The following EVC2 variants were observed in gnomAD, a reference collection of about 807,000 sequenced individuals.
EVC2 encodes EvC ciliary complex subunit 2.
A neutral mutation model predicts 149.3 loss-of-function variants in EVC2; 148 were observed. The ratio of observed to expected loss-of-function variants is 0.99; its 90% CI spans 0.87 to 1.14. EVC2 has a LOEUF of 1.14. Among genes scored for constraint, EVC2 ranks in the 50% most tolerant of loss-of-function variants. The pLI, the probability that EVC2 is intolerant of heterozygous loss-of-function variation, is 0.00. For synonymous variants in EVC2, 776 were observed against 649.9 expected, an observed-to-expected ratio of 1.19 and a Z score of -2.95; for missense variants, 1,854 against 1,627.3, an observed-to-expected ratio of 1.14 and a Z score of -2.40.
At chr4:5,540,302 G>A (rs559662987), downstream of EVC2, among the ~76,000 whole-genome samples, 3 of 152,204 alleles carry the variant, frequency 2.0e-5, no homozygotes, top group African/African-American at 7.2e-5. Flanking sequence ...GTATACACCT[G>A]TCATATGTTC....
chr4:5,613,019 G>A lies in EVC2; in HGVS notation c.2829+2403C>T, dbSNP rs1390433340. On this transcript the variant is annotated intron_variant, in intron 16 of 21. Transcript: ENST00000344408. This position sits in a 1 kb window ranked among gnomAD's most constrained non-coding sequence, Gnocchi z 4.6. ...GGGAGGGGTTATGGAGGGTGTTGAG[G>A]TCCAGCCTTGAGCCACTGGGTGGGA... is the stretch of plus-strand genomic sequence containing the variant. 6.6e-6 allele frequency among the ~76,000 whole-genome samples: 1 copy of A among 151,910 alleles called. No individual in the cohort carries two copies. The highest frequency in any genetic ancestry group is 2.4e-5 in the African/African-American group (1 of 41,368).
At chr4:5,593,884 G>A (rs558717857) in intron 16 of EVC2, among the ~76,000 whole-genome samples, 10 of 152,302 alleles carry the variant, frequency 6.6e-5, no homozygotes, top group Middle Eastern at 3.4e-3. Flanking sequence ...GCGCTTTTCC[G>A]AAGGGCTTAA....
In EVC2 at chr4:5,708,534, C is replaced by A; in HGVS notation, c.-21G>T. 7.1e-7 allele frequency: 1 copy of A among 1,412,070 alleles called. No individual in the cohort carries two copies. The highest frequency in any genetic ancestry group is 9.2e-7 in the Non-Finnish European group (1 of 1,086,556). 87.5% of individuals were successfully genotyped at this position (1,412,070 alleles called of 1,614,324 possible). On this transcript the variant is annotated 5_prime_UTR_variant, in exon 1 of 22. It adds an upstream start codon to the 5' untranslated region. Coordinates refer to ENST00000344408, the MANE Select transcript of EVC2 (RefSeq NM_147127.5). ...TCCATCGCCTGTCGGGACCCGCTAC[C>A]TCAAAGCGGCGGGTGCCGCCGAGTC...
chr4:5,557,156 T>C (rs115183333), intron 21 of EVC2, among the ~76,000 whole-genome samples: 250 of 152,160 alleles, frequency 1.6e-3, no homozygotes, highest in African/African-American at 5.6e-3. Context: ...CACATGAACA[T>C]AGATGAACAA....
intron 22 of EVC2, chr4:5,543,025 T>A (rs774857514): frequency 7.2e-6 from 5 of 694,112 alleles, no homozygotes; most frequent in Non-Finnish European, 6.5e-6. Context: ...CAGAGCAGAA[T>A]TCTGTATTTT....
chr4:5,535,050 C>A, the EVC2 span, among the ~76,000 whole-genome samples: 1 of 152,110 alleles, frequency 6.6e-6, no homozygotes, highest in Non-Finnish European at 1.5e-5. The surrounding 1 kb of genome is among the most constrained non-coding windows in gnomAD (Gnocchi z 4.7). Context: ...GAGGTTCCCT[C>A]AATACCAGTT....
chr4:5,533,570 G>A, the EVC2 span, among the ~76,000 whole-genome samples: 1 of 152,204 alleles, frequency 6.6e-6, no homozygotes, highest in South Asian at 2.1e-4. Flanking sequence ...TCCAAGGACT[G>A]GAGAGATTAA....
At chr4:5,655,400 T>C (rs1287209398) in intron 9 of EVC2, among the ~76,000 whole-genome samples, 1 of 152,078 alleles carries the variant, frequency 6.6e-6, no homozygotes, top group Non-Finnish European at 1.5e-5. Context: ...TGAGGAGGGA[T>C]TCAAGGGTCC....
chr4:5,594,100 A>T (rs1713129228), intron 16 of EVC2, among the ~76,000 whole-genome samples: 1 of 152,148 alleles, frequency 6.6e-6, no homozygotes, highest in Non-Finnish European at 1.5e-5. Flanking sequence ...ACCACAGCTC[A>T]AGCAGGCCTG....
intron 21 of EVC2, among the ~76,000 whole-genome samples, chr4:5,549,581 C>T (rs1052820452): frequency 2.0e-5 from 3 of 152,222 alleles, no homozygotes; most frequent in African/African-American, 7.2e-5. Context: ...GCCAGTGATA[C>T]AGTCTCCATT....
Position 5,563,118 on chromosome 4 carries a change from A to G in EVC2, c.3660-3T>C, listed in dbSNP as rs774307273. 1.2e-6 allele frequency: 2 copies of G among 1,612,602 alleles called. No individual in the cohort carries two copies. Among genetic ancestry groups the G allele is most frequent in the East Asian group, 2.2e-5 (1 of 44,898 alleles). On this transcript the variant is annotated splice_polypyrimidine_tract_variant and splice_region_variant and intron_variant, in intron 21 of 21. Transcript: ENST00000344408. ...GGAGACATGTCTTCTTTAATATGCTAAAGAAATAGCAAAAGATCAAATTCA... is the reference window on the plus strand; with the variant it reads ...GGAGACATGTCTTCTTTAATATGCTGAAGAAATAGCAAAAGATCAAATTCA...
chr4:5,612,941 A>G (rs952636432), intron 16 of EVC2, among the ~76,000 whole-genome samples: 2 of 150,406 alleles, frequency 1.3e-5, no homozygotes, highest in South Asian at 2.1e-4. Context: ...AAAAAAAAAA[A>G]AAAAAAAAGA....
At chr4:5,587,321 T>C (rs1320821275) in intron 16 of EVC2, among the ~76,000 whole-genome samples, 2 of 152,234 alleles carry the variant, frequency 1.3e-5, no homozygotes, top group East Asian at 3.8e-4. Flanking sequence ...TTTCTATGAT[T>C]TTCCTTATTC....
intron 9 of EVC2, among the ~76,000 whole-genome samples, chr4:5,650,626 TATATATATATATAGAGAGAGAG>T (rs1292139837): frequency 2.5e-4 from 21 of 83,264 alleles, no homozygotes; most frequent in African/African-American, 7.6e-4. Context: ...TATATATATA[TATATATATATATAGAGAGAGAG>T]AGAGAGAGAG....
At chr4:5,632,139 T>C (rs1266240740) in intron 10 of EVC2, 107 bp from the exon 11 acceptor site, 1 of 1,454,794 alleles carries the variant, frequency 6.9e-7, no homozygotes, top group East Asian at 2.3e-5. Context: ...AATGTGTACA[T>C]GAACACACAG....
chr4:5,670,059 C>T lies in EVC2; in HGVS notation c.871-4410G>A, dbSNP rs1028011157. ...TTGTTAAATTATGCTAGGTCCTGCC[C>T]TGCCTACAATGCCTCTACTCTTCAA... On this transcript the variant is annotated intron_variant, in intron 7 of 21. Transcript: ENST00000344408. The surrounding 1 kb of genome is among the most constrained non-coding windows in gnomAD (Gnocchi z 5.2). Among the ~76,000 whole-genome samples, 5 of 152,206 alleles carry T rather than the reference C, an allele frequency of 3.3e-5. No homozygotes were observed. The highest frequency in any genetic ancestry group is 7.3e-5 in the Non-Finnish European group (5 of 68,036).
intron 9 of EVC2, among the ~76,000 whole-genome samples, chr4:5,650,972 TATC>T (rs1190289811): frequency 6.6e-6 from 1 of 152,080 alleles, no homozygotes; most frequent in Non-Finnish European, 1.5e-5. Context: ...TCTTTCTTGA[TATC>T]ATTTTTTACA....
intron 9 of EVC2, among the ~76,000 whole-genome samples, chr4:5,642,986 A>G (rs1309303659): frequency 6.6e-6 from 1 of 152,202 alleles, no homozygotes; most frequent in Non-Finnish European, 1.5e-5. Flanking sequence ...ACTGTCAAGG[A>G]GTCATACGCA....
At chr4:5,691,193 G>C (rs569156753) in intron 4 of EVC2, 72 bp downstream of exon 4, 3 of 1,324,328 alleles carry the variant, frequency 2.3e-6, no homozygotes, top group Non-Finnish European at 2.2e-6. Flanking sequence ...TTAAATACAT[G>C]ACTCTAATAA....
Sources: allele counts gnomAD v4.1 joint callset (sites outside exome capture counted in the v4.1 genomes callset), GRCh38; gene constraint gnomAD v4.1.1; non-coding constraint Gnocchi (gnomAD v3.1); transcripts MANE v1.5; gene names NCBI Gene and HGNC (gene_info 2026-07-23, HGNC 2026-07-21).